NR1D2: variants seen among roughly 807,000 people sequenced by gnomAD.
NR1D2 encodes the protein V-erbA-related protein 1-related.
Under a neutral mutation model 52.2 loss-of-function variants are expected in NR1D2, and 25 were observed. The ratio of observed to expected loss-of-function variants is 0.48; its 90% confidence interval spans 0.35 to 0.67. The LOEUF is 0.67. Among genes scored for constraint, NR1D2 ranks in the 30% least tolerant of loss-of-function variants. The probability of loss-of-function intolerance (pLI) is 0.01; values close to 1 mark genes in which losing one functional copy is unlikely to be tolerated. For missense variants in NR1D2, 681 were observed against 707.2 expected (o/e 0.96, Z 0.42); for synonymous variants, 259 against 230.1 (o/e 1.13, Z -1.14).
chr3:23,946,894 CTTTTG>C (rs1439186917), intron 1 of NR1D2, among the ~76,000 whole-genome samples: 4 of 152,126 alleles, frequency 2.6e-5, no homozygotes, highest in Non-Finnish European at 4.4e-5. Flanking sequence ...AAACAGCCAG[CTTTTG>C]TTTTATTTTT....
At position 23,962,235 on chromosome 3, in the gene NR1D2, G is replaced by C; in HGVS notation, c.776G>C (p.Arg259Thr). The C allele has an allele frequency of 6.2e-7, 1 of 1,614,180 alleles. No individual in the cohort carries two copies. Among genetic ancestry groups the C allele is most frequent in the African/African-American group, 1.3e-5 (1 of 75,042 alleles). The change falls in exon 5 of 8, where the codon AGA becomes ACA. Residue 259 changes from arginine to threonine, a missense_variant. Physicochemically the swap from Arg to Thr is moderately conservative, Grantham distance 71. This residue lies in a region of NR1D2 where 475 missense variants were observed against 454.5 expected (regional missense o/e 1.05). Transcript: ENST00000312521. ...GAAGAAGTGATTGGCATGGTGACCA[G>C]AGCTCACAAGGATACCTTTATGTAT... is the stretch of plus-strand genomic sequence containing the variant. Reference protein sequence around the residue: ...AKEEVIGMVTRAHKDTFMYNQ... With the variant: ...AKEEVIGMVTTAHKDTFMYNQ...
intron 1 of NR1D2, among the ~76,000 whole-genome samples, chr3:23,949,146 A>G (rs909329895): frequency 6.6e-6 from 1 of 152,178 alleles, no homozygotes; most frequent in Middle Eastern, 3.2e-3. Context: ...TGGGCAGATC[A>G]CCTGAGGTCA....
chr3:23,953,454 T>C (rs570154048), intron 1 of NR1D2, among the ~76,000 whole-genome samples: 4 of 152,158 alleles, frequency 2.6e-5, no homozygotes, highest in African/African-American at 9.6e-5. Context: ...GGGAATTAGC[T>C]TCAGCCTTAC....
At chr3:23,965,235 CTTTTTTTTTT>C (rs371267256) in intron 6 of NR1D2, 73 bp downstream of exon 6, 32 of 309,306 alleles carry the variant, frequency 1.0e-4, no homozygotes, top group Non-Finnish European at 4.1e-5. Flanking sequence ...TGTTTTAATT[CTTTTTTTTTT>C]TTTTTTTTTT....
rs763314639 is a variant in NR1D2, at chr3:23,959,662, T to C, written c.373-9T>C. On this transcript the variant is annotated splice_polypyrimidine_tract_variant and intron_variant, in intron 3 of 7. Coordinates refer to ENST00000312521, the MANE Select transcript of NR1D2 (RefSeq NM_005126.5). ...TTAAATGGGTAAGTAAATCTTCCTT[T>C]GTTCTTAGGGTTTCTTTCGGAGAAG... 7 of 1,605,076 alleles carry C rather than the reference T, an allele frequency of 4.4e-6. No homozygotes were observed. The East Asian group carries it at 1.3e-4, about 31-fold the overall frequency.
chr3:23,965,417 T>G (rs1706415868), intron 6 of NR1D2, among the ~76,000 whole-genome samples: 1 of 150,812 alleles, frequency 6.6e-6, no homozygotes, highest in Middle Eastern at 3.4e-3. Context: ...TTTTTTTGTT[T>G]TTTTTTTTTT....
chr3:23,949,614 T>G (rs1309964755), intron 1 of NR1D2, among the ~76,000 whole-genome samples: 1 of 152,224 alleles, frequency 6.6e-6, no homozygotes, highest in Non-Finnish European at 1.5e-5. Context: ...GAAAGGACCA[T>G]GCTGTTCTCT....
chr3:23,959,188 A>G (rs928631259), intron 3 of NR1D2, among the ~76,000 whole-genome samples: 1 of 150,906 alleles, frequency 6.6e-6, no homozygotes, highest in Non-Finnish European at 1.5e-5. Flanking sequence ...AAATTGAGCC[A>G]GGGAGGTCAG....
Position 23,956,097 on chromosome 3 carries a change from A to G in NR1D2, c.344A>G (p.Tyr115Cys), listed in dbSNP as rs767615071. 3 of 1,613,832 alleles carry G rather than the reference A, an allele frequency of 1.9e-6. No homozygotes were observed. The highest frequency in any genetic ancestry group is 1.1e-5 in the South Asian group (1 of 91,084). ...VCGDVASGFHYGVHACEGCKG... is the reference protein window; with the variant it reads ...VCGDVASGFHCGVHACEGCKG... ...GGGGATGTGGCGTCAGGATTCCACT[A>G]TGGAGTTCATGCTTGCGAAGGCTGT... Residue 115 changes from tyrosine (Y) to cysteine (C), a missense_variant, in exon 3 of 8, where the codon TAT becomes TGT. By Grantham distance (194) the Tyr-to-Cys change is radical (BLOSUM62 -2). This residue lies in a region of NR1D2 where 112 missense variants were observed against 162.3 expected (regional missense o/e 0.69). Transcript: ENST00000312521.
intron 1 of NR1D2, among the ~76,000 whole-genome samples, chr3:23,945,888 C>G (rs1705672079): frequency 6.6e-6 from 1 of 150,876 alleles, no homozygotes; most frequent in South Asian, 2.1e-4. Context: ...TTCGGCGGCG[C>G]GCGGGCGCCG....
At chr3:23,963,795 G>A (rs1706362087) in intron 5 of NR1D2, among the ~76,000 whole-genome samples, 1 of 151,924 alleles carries the variant, frequency 6.6e-6, no homozygotes, top group Admixed American at 6.6e-5. Flanking sequence ...TTTTGGTTCT[G>A]ATTTCATGAT....
chr3:23,977,137 G>T, intron 7 of NR1D2, 86 bp from the exon 8 acceptor site: 1 of 734,122 alleles, frequency 1.4e-6, no homozygotes, highest in South Asian at 4.7e-5. Flanking sequence ...ATTCGTTAGT[G>T]ACACTGATAA....
chr3:23,945,342 T>G lies in NR1D2; in HGVS notation c.-237T>G. 2 of 162,562 alleles carry G rather than the reference T, an allele frequency of 1.2e-5. No individual in the cohort carries two copies. Among genetic ancestry groups the G allele is most frequent in the African/African-American group, 2.4e-5 (1 of 41,602 alleles). The allele number at this position is 162,562 out of a possible 1,614,324, so 10.1% of individuals were successfully genotyped here. ...CTGCAGGAAGCCGCCGCGCCGCCGCTTTTGTTGTCAGGGACCCAGCGAGGA... is the reference window on the plus strand; with the variant it reads ...CTGCAGGAAGCCGCCGCGCCGCCGCGTTTGTTGTCAGGGACCCAGCGAGGA... On this transcript the variant is annotated 5_prime_UTR_variant, in exon 1 of 8. Coordinates refer to ENST00000312521, the MANE Select transcript of NR1D2 (RefSeq NM_005126.5).
chr3:23,974,926 C>T (rs974512625), intron 7 of NR1D2, among the ~76,000 whole-genome samples: 1 of 150,900 alleles, frequency 6.6e-6, no homozygotes, highest in Non-Finnish European at 1.5e-5. Flanking sequence ...TCAAGTGATT[C>T]TTGAGCCTCA....
rs558029591 is a variant in NR1D2 at position 23,945,534 on chromosome 3, C to G, written c.-45C>G. 7.1e-3 allele frequency: 8,026 copies of G among 1,127,710 alleles called. 32 individuals carry two copies. Among genetic ancestry groups the G allele is most frequent in the Non-Finnish European group, 8.0e-3 (7,348 of 913,758 alleles). The allele number at this position is 1,127,710 out of a possible 1,614,324, so 69.9% of individuals were successfully genotyped here. On this transcript the variant is annotated 5_prime_UTR_variant, in exon 1 of 8. Transcript: ENST00000312521. ...TGAGGCGGCGGCGGCGGCGCTGCCCCCTCTGCGGGAAGCGGGCGGCCCCGG... is the reference window on the plus strand; with the variant it reads ...TGAGGCGGCGGCGGCGGCGCTGCCCGCTCTGCGGGAAGCGGGCGGCCCCGG...
Position 23,959,657 on chromosome 3 carries a change from T to A in NR1D2, c.373-14T>A. 1 of 1,604,872 alleles carries A rather than the reference T, an allele frequency of 6.2e-7. No individual in the cohort carries two copies. ...TGTTTTTAAATGGGTAAGTAAATCT[T>A]CCTTTGTTCTTAGGGTTTCTTTCGG... is the stretch of plus-strand genomic sequence containing the variant. On this transcript the variant is annotated splice_polypyrimidine_tract_variant and intron_variant, in intron 3 of 7. Coordinates refer to ENST00000312521, the MANE Select transcript of NR1D2 (RefSeq NM_005126.5).
intron 1 of NR1D2, among the ~76,000 whole-genome samples, chr3:23,948,235 A>C (rs576697618): frequency 2.2e-4 from 33 of 152,256 alleles, no homozygotes; most frequent in Non-Finnish European, 4.0e-4. Flanking sequence ...TTATCAGTTG[A>C]CAAACATTCA....
At chr3:23,964,875 G>T (rs1706397128) in intron 5 of NR1D2, 102 bp from the exon 6 acceptor site, 1 of 754,936 alleles carries the variant, frequency 1.3e-6, no homozygotes, top group South Asian at 1.9e-5. Context: ...TGTGTTTTGG[G>T]GGTTAAATTC....
chr3:23,974,077 T>C (rs952597392), intron 7 of NR1D2, among the ~76,000 whole-genome samples: 3 of 144,392 alleles, frequency 2.1e-5, no homozygotes, highest in Middle Eastern at 3.8e-3. Flanking sequence ...CTGAGGCTGC[T>C]TTACAGTTAC....
Sources: gnomAD v4.1 joint callset for allele counts (sites outside exome capture counted in the v4.1 genomes callset) on GRCh38, gnomAD v4.1.1 for gene constraint, gnomAD v4.1.1 regional missense constraint, MANE v1.5 for transcripts, NCBI Gene and HGNC (gene_info 2026-07-23, HGNC 2026-07-21) for gene names.